The following PHKA2 variants were observed in gnomAD, a reference collection of about 807,000 sequenced individuals.
PHKA2 encodes the protein phosphorylase kinase regulatory subunit alpha 2, also known as phosphorylase b kinase regulatory subunit alpha, liver isoform.
A neutral mutation model predicts 102.0 loss-of-function variants in PHKA2; 31 were observed. That is an observed-to-expected ratio of 0.30 (90% CI 0.23 to 0.41). The LOEUF is 0.41. Ranked by LOEUF, PHKA2 falls within the 10% of genes least tolerant of loss-of-function variation. The probability of loss-of-function intolerance (pLI) is 1.00; values close to 1 mark genes in which losing one functional copy is unlikely to be tolerated. For missense variants in PHKA2, 858 were observed against 1,023.1 expected, an observed-to-expected ratio of 0.84 and a Z score of 2.20; for synonymous variants, 455 against 416.2, an observed-to-expected ratio of 1.09 and a Z score of -1.13.
chrX:18,923,692 A>G (rs938523067), intron 17 of PHKA2, among the ~76,000 whole-genome samples: 1 of 112,371 alleles, frequency 8.9e-6, no homozygotes, highest in African/African-American at 3.2e-5. Flanking sequence ...AGGAGCATTT[A>G]TTGGGCACCT....
At chrX:18,916,246 C>T (rs2048018470) in intron 19 of PHKA2, among the ~76,000 whole-genome samples, 1 of 111,674 alleles carries the variant, frequency 9.0e-6, no homozygotes, top group African/African-American at 3.3e-5. Flanking sequence ...GAAACCCTGT[C>T]TCTACTAAAA....
chrX:18,940,651 A>G lies in PHKA2; in HGVS notation c.865-603T>C, dbSNP rs747334175. On this transcript the variant is annotated intron_variant, in intron 8 of 32. Transcript: ENST00000379942. Reference sequence around the variant, plus strand: ...GCACTCTCTTAATCTGACGCCCTTAATCCATAGATCACAGCTTTGGGTGTC... The same window carrying G: ...GCACTCTCTTAATCTGACGCCCTTAGTCCATAGATCACAGCTTTGGGTGTC... Among the ~76,000 whole-genome samples the G allele has an allele frequency of 1.9e-3, 212 of 111,784 alleles. 2 individuals are homozygous for G. The highest frequency in any genetic ancestry group is 6.6e-3 in the African/African-American group (203 of 30,771).
At chrX:18,937,864 C>G (rs768923834) in intron 10 of PHKA2, among the ~76,000 whole-genome samples, 3 of 112,011 alleles carry the variant, frequency 2.7e-5, no homozygotes, top group Non-Finnish European at 5.6e-5. Context: ...AGCAGGGAAC[C>G]AGGCCGGAGG....
intron 17 of PHKA2, among the ~76,000 whole-genome samples, chrX:18,921,089 C>G (rs763348009): frequency 9.0e-5 from 10 of 111,115 alleles, no homozygotes; most frequent in South Asian, 3.8e-4. Flanking sequence ...AGCACCCCCC[C>G]CAAGTGGATC....
At chrX:18,929,080 A>C (rs1474628207) in intron 13 of PHKA2, 148 bp downstream of exon 13, 2 of 477,091 alleles carry the variant, frequency 4.2e-6, no homozygotes, top group African/African-American at 4.8e-5. Flanking sequence ...CCACTGAGTT[A>C]TATAAGGCAT....
chrX:18,907,267 T>C (rs1006660681), intron 22 of PHKA2, among the ~76,000 whole-genome samples, 170 bp from the exon 23 acceptor site: 8 of 112,019 alleles, frequency 7.1e-5, no homozygotes, highest in Non-Finnish European at 1.3e-4. Flanking sequence ...GACCCCAGAC[T>C]AAGCAACCCA....
intron 10 of PHKA2, among the ~76,000 whole-genome samples, chrX:18,936,485 C>G (rs1293533957): frequency 1.8e-5 from 2 of 112,027 alleles, no homozygotes; most frequent in African/African-American, 6.5e-5. Context: ...TATCAGATGT[C>G]TTTCCTGTTC....
rs778834243 is a variant in PHKA2, at chrX:18,954,430, CA to C, written c.79-19del. 41 of 1,203,574 alleles carry C rather than the reference CA, an allele frequency of 3.4e-5. No individual in the cohort carries two copies. Among genetic ancestry groups the C allele is most frequent in the Non-Finnish European group, 4.4e-5 (39 of 891,538 alleles). ...ACGGGATTCTATTAGAGAAGAGACACAAAATGGCTCAGTGCCATCCTTCATG... is the reference window on the plus strand; with the variant it reads ...ACGGGATTCTATTAGAGAAGAGACACAAATGGCTCAGTGCCATCCTTCATG... On this transcript the variant is annotated intron_variant, in intron 1 of 32. Transcript: ENST00000379942.
chrX:18,984,037 G>T lies in PHKA2; in HGVS notation c.-105C>A. The T allele has an allele frequency of 1.5e-6, 1 of 651,124 alleles. No homozygotes were observed. Among genetic ancestry groups the T allele is most frequent in the Non-Finnish European group, 2.5e-6 (1 of 394,334 alleles). 53.7% of individuals were successfully genotyped at this position (651,124 alleles called of 1,213,427 possible). On this transcript the variant is annotated 5_prime_UTR_variant, in exon 1 of 33. Transcript: ENST00000379942. ...TGGTTCCCGGACACTCACAGCCTTA[G>T]TCGGTTCTTGGGATGGGACCGGGCC... is the stretch of plus-strand genomic sequence containing the variant.
intron 11 of PHKA2, 91 bp downstream of exon 11, chrX:18,935,964 C>A: frequency 1.6e-6 from 1 of 637,890 alleles, no homozygotes; most frequent in Non-Finnish European, 2.6e-6. Context: ...TTCATTAGTT[C>A]GAAAAAGGGG....
chrX:18,954,101 T>G (rs1213912208), intron 2 of PHKA2, among the ~76,000 whole-genome samples, 153 bp downstream of exon 2: 1 of 111,837 alleles, frequency 8.9e-6, no homozygotes, highest in Non-Finnish European at 1.9e-5. Context: ...GAGGTTGAGA[T>G]AATCTAAGTA....
chrX:18,919,432 C>T (rs984036127), intron 18 of PHKA2, among the ~76,000 whole-genome samples: 2 of 109,951 alleles, frequency 1.8e-5, no homozygotes, highest in African/African-American at 6.6e-5. Flanking sequence ...TGGCCAGCCA[C>T]GGTGGCTCAT....
intron 4 of PHKA2, among the ~76,000 whole-genome samples, chrX:18,950,609 C>G (rs1009325370): frequency 8.9e-6 from 1 of 112,860 alleles, no homozygotes; most frequent in Non-Finnish European, 1.9e-5. Context: ...TATGGAGAAG[C>G]ATGCTTTTCT....
At chrX:18,900,916 C>T (rs1441911516) in intron 27 of PHKA2, among the ~76,000 whole-genome samples, 1 of 110,954 alleles carries the variant, frequency 9.0e-6, no homozygotes, top group African/African-American at 3.3e-5. Context: ...AAACTCTTTC[C>T]CAGCATGGAT....
intron 30 of PHKA2, chrX:18,896,427 C>G (rs1370569230): frequency 2.7e-5 from 3 of 112,874 alleles, no homozygotes; most frequent in Non-Finnish European, 3.7e-5. Flanking sequence ...GAGACGTGAA[C>G]GGCCCCAGGC....
At chrX:18,969,538 CT>C (rs768830350) in intron 1 of PHKA2, among the ~76,000 whole-genome samples, 1 of 109,162 alleles carries the variant, frequency 9.2e-6, no homozygotes, top group African/African-American at 3.3e-5. Context: ...TCCTTTTCTT[CT>C]TTTTTTTGTT....
intron 1 of PHKA2, among the ~76,000 whole-genome samples, chrX:18,965,066 G>A (rs1923698285): frequency 8.9e-6 from 1 of 112,384 alleles, no homozygotes; most frequent in African/African-American, 3.2e-5. Flanking sequence ...TGGGTTAGAA[G>A]CCAAGCATTG....
intron 23 of PHKA2, 81 bp downstream of exon 23, chrX:18,906,937 G>T: frequency 9.8e-7 from 1 of 1,024,980 alleles, no homozygotes; most frequent in Non-Finnish European, 1.4e-6. Context: ...TCTTTAAAAA[G>T]CCCCTCCTCC....
intron 12 of PHKA2, 23 bp from the exon 13 acceptor site, chrX:18,929,329 A>G (rs752545934): frequency 2.0e-6 from 2 of 1,001,294 alleles, no homozygotes; most frequent in Non-Finnish European, 2.8e-6. Context: ...GAGCATTAAC[A>G]CTATGAAATA....
Sources: gnomAD v4.1 joint callset for allele counts (sites outside exome capture counted in the v4.1 genomes callset) on GRCh38, gnomAD v4.1.1 for gene constraint, MANE v1.5 for transcripts, NCBI Gene and HGNC (gene_info 2026-07-23, HGNC 2026-07-21) for gene names.